Variants in RHBDF2 observed in about 807,000 individuals in gnomAD.
RHBDF2 encodes the protein rhomboid 5 homolog 2.
Under a neutral mutation model 95.2 loss-of-function variants are expected in RHBDF2, and 38 were observed. The observed-to-expected ratio is 0.40, with a 90% CI of 0.31 to 0.52. RHBDF2 has a LOEUF of 0.52. Among genes scored for constraint, RHBDF2 ranks in the 20% least tolerant of loss-of-function variants. RHBDF2 has a pLI of 0.56. For missense variants in RHBDF2, 863 were observed against 1,137.7 expected (o/e 0.76, Z 3.47); for synonymous variants, 442 against 462.0 (o/e 0.96, Z 0.55).
chr17:76,476,952 A>G lies in RHBDF2; in HGVS notation c.993T>C (p.Phe331=). 2 of 1,613,994 alleles carry G rather than the reference A, an allele frequency of 1.2e-6. No homozygotes were observed. Among genetic ancestry groups the G allele is most frequent in the East Asian group, 2.2e-5 (1 of 44,886 alleles). The stretch of plus-strand genomic sequence containing the variant: ...AGTGCCGCTTCTTCCGATCAAAGGC[A>G]AAGTGCTTCACCTTGGAGGCGATGC... ...GKRIASKVKH[F]AFDRKKRHYG... The change falls in exon 9 of 19, where the codon TTT becomes TTC. Residue 331 remains phenylalanine, a synonymous_variant. Coordinates refer to ENST00000675367, the MANE Select transcript of RHBDF2 (RefSeq NM_001005498.4).
chr17:76,483,735 G>A (rs1205257551), intron 2 of RHBDF2, among the ~76,000 whole-genome samples: 4 of 152,220 alleles, frequency 2.6e-5, no homozygotes, highest in South Asian at 2.1e-4. Flanking sequence ...CATACACCGC[G>A]TGTGCTTGTT....
intron 3 of RHBDF2, among the ~76,000 whole-genome samples, chr17:76,480,957 T>C (rs1305654824): frequency 1.3e-5 from 2 of 152,220 alleles, no homozygotes; most frequent in Non-Finnish European, 2.9e-5. Flanking sequence ...TGATCTGTTC[T>C]CGTCCTCCCA....
chr17:76,490,881 T>C (rs2074279389), intron 1 of RHBDF2, among the ~76,000 whole-genome samples: 1 of 152,088 alleles, frequency 6.6e-6, no homozygotes, highest in Non-Finnish European at 1.5e-5. Flanking sequence ...TATTGCCTGC[T>C]CTCTCCAGCA....
intron 3 of RHBDF2, among the ~76,000 whole-genome samples, chr17:76,480,529 C>T (rs1428938509): frequency 6.6e-6 from 1 of 152,052 alleles, no homozygotes; most frequent in Admixed American, 6.6e-5. Flanking sequence ...GGATTACAGG[C>T]ATGTGCCACC....
chr17:76,473,238 C>T lies in RHBDF2; in HGVS notation c.1809+14G>A, dbSNP rs746346338. The T allele has an allele frequency of 1.9e-6, 3 of 1,610,594 alleles. No homozygotes were observed. In the African/African-American group the frequency reaches 4.0e-5, roughly 22 times the overall value. On this transcript the variant is annotated intron_variant, in intron 16 of 18. Coordinates refer to ENST00000675367, the MANE Select transcript of RHBDF2 (RefSeq NM_001005498.4). The stretch of plus-strand genomic sequence containing the variant: ...CGTCCTCTCCTCCACTACTCCAGGC[C>T]TGCCTCGCCTCACCTGGGAGCAGAG...
chr17:76,492,214 TG>T (rs2074318759), intron 1 of RHBDF2, among the ~76,000 whole-genome samples: 1 of 152,104 alleles, frequency 6.6e-6, no homozygotes, highest in African/African-American at 2.4e-5. Context: ...GGGGAAATCC[TG>T]AAAAAAAGTG....
At chr17:76,479,698 T>G (rs2073889111) in intron 4 of RHBDF2, 35 bp downstream of exon 4, 13 of 1,479,690 alleles carry the variant, frequency 8.8e-6, no homozygotes, top group South Asian at 1.1e-5. Flanking sequence ...GGTTGCTGGG[T>G]GGGGGGTGCT....
chr17:76,493,265 C>G (rs2074350499), intron 1 of RHBDF2: 1 of 152,248 alleles, frequency 6.6e-6, no homozygotes, highest in African/African-American at 2.4e-5. Context: ...TTTTAGAAAG[C>G]TGCAAAGAGG....
At chr17:76,474,338 G>C in intron 12 of RHBDF2, 35 bp downstream of exon 12, 1 of 1,599,970 alleles carries the variant, frequency 6.3e-7, no homozygotes, top group Non-Finnish European at 8.5e-7. Flanking sequence ...CGGGACCAGG[G>C]TCTGGCAGGG....
chr17:76,474,616 G>C, intron 11 of RHBDF2, 82 bp from the exon 12 acceptor site: 1 of 1,603,422 alleles, frequency 6.2e-7, no homozygotes, highest in East Asian at 2.2e-5. Flanking sequence ...CTGCCCCGCA[G>C]AGTCTCCCCT....
Position 76,493,555 on chromosome 17 carries a change from T to C in RHBDF2, c.-219-5646A>G, listed in dbSNP as rs149716627. 3.3e-3 allele frequency among the ~76,000 whole-genome samples: 507 copies of C among 151,976 alleles called. 2 individuals are homozygous for C. The highest frequency in any genetic ancestry group is 0.011 in the African/African-American group (469 of 41,426). On this transcript the variant is annotated intron_variant, in intron 1 of 18. Coordinates refer to ENST00000675367, the MANE Select transcript of RHBDF2 (RefSeq NM_001005498.4). ...TGAGAGGCAAAACAGAAGGGCAGGGTTGGCATGAGCTGCGGCGTGAGCTCC... is the reference window on the plus strand; with the variant it reads ...TGAGAGGCAAAACAGAAGGGCAGGGCTGGCATGAGCTGCGGCGTGAGCTCC...
chr17:76,472,180 AG>A (rs1298892499), intron 18 of RHBDF2, 128 bp from the exon 19 acceptor site: 3 of 906,670 alleles, frequency 3.3e-6, no homozygotes, highest in Non-Finnish European at 4.9e-6. Flanking sequence ...GCTGAGGGGC[AG>A]GGGGTCGGCT....
At chr17:76,491,431 T>C (rs887667885) in intron 1 of RHBDF2, among the ~76,000 whole-genome samples, 2 of 136,864 alleles carry the variant, frequency 1.5e-5, no homozygotes, top group African/African-American at 5.1e-5. Context: ...GGGCAATCAG[T>C]TGGGGGGGGG....
intron 4 of RHBDF2, 23 bp downstream of exon 4, chr17:76,479,710 G>C (rs1468134166): frequency 1.3e-6 from 2 of 1,582,858 alleles, no homozygotes; most frequent in Admixed American, 1.7e-5. Flanking sequence ...GGGGGTGCTG[G>C]GCTTGGGTGT....
At chr17:76,490,687 G>C (rs2074273570) in intron 1 of RHBDF2, among the ~76,000 whole-genome samples, 1 of 152,018 alleles carries the variant, frequency 6.6e-6, no homozygotes, top group African/African-American at 2.4e-5. Context: ...CCTCCCTGGA[G>C]GTCCCTTCAG....
At chr17:76,482,168 C>T (rs998382457) in intron 2 of RHBDF2, among the ~76,000 whole-genome samples, 10 of 152,090 alleles carry the variant, frequency 6.6e-5, no homozygotes, top group Admixed American at 3.9e-4. Context: ...CTGATCTCTC[C>T]GCTTGAGGCA....
chr17:76,474,777 T>A lies in RHBDF2; in HGVS notation c.1255A>T (p.Ser419Cys), dbSNP rs1285136569. 1.9e-6 allele frequency: 3 copies of A among 1,613,978 alleles called. No homozygotes were observed. Among genetic ancestry groups the A allele is most frequent in the Non-Finnish European group, 2.5e-6 (3 of 1,180,016 alleles). The change falls in exon 11 of 19, where the codon AGC becomes TGC. Residue 419 changes from serine to cysteine, a missense_variant. Physicochemically the swap from Ser to Cys is moderately radical, Grantham distance 112 (BLOSUM62 -1). Around this residue, in one of 2 missense-constraint regions of RHBDF2, gnomAD observed 611 missense variants for 725.5 expected, o/e 0.84. Coordinates refer to ENST00000675367, the MANE Select transcript of RHBDF2 (RefSeq NM_001005498.4). ...TTCTCCTGCTGGATGTACTTCACGC[T>A]CTCGTACACACCTTTGTTCCGCAGC... ...LVLRNKGVYE[S>C]VKYIQQENFW...
intron 2 of RHBDF2, among the ~76,000 whole-genome samples, chr17:76,486,077 T>TACACGTACAC (rs2074117902): frequency 1.4e-5 from 2 of 144,774 alleles, no homozygotes; most frequent in African/African-American, 5.2e-5. Context: ...TATATATATG[T>TACACGTACAC]ACACACACAC....
chr17:76,472,283 C>A, intron 18 of RHBDF2: 1 of 600,336 alleles, frequency 1.7e-6, no homozygotes, highest in Non-Finnish European at 3.0e-6. Flanking sequence ...GGGTCCGTAG[C>A]AATAAGCAAG....
Sources: allele counts gnomAD v4.1 joint callset (sites outside exome capture counted in the v4.1 genomes callset), GRCh38; gene constraint gnomAD v4.1.1; regional missense constraint gnomAD v4.1.1; transcripts MANE v1.5; gene names NCBI Gene and HGNC (gene_info 2026-07-23, HGNC 2026-07-21).